Variants in COL2A1 observed in about 807,000 individuals in gnomAD.
The protein encoded by COL2A1 is collagen type II alpha 1 chain.
COL2A1 carries 28 observed loss-of-function variants against 204.5 expected under a neutral mutation model. That is an observed-to-expected ratio of 0.14 (90% CI 0.10 to 0.19). COL2A1 has a LOEUF of 0.19. COL2A1 is among the 10% of genes least tolerant of loss of function. COL2A1 has a pLI of 1.00. For synonymous variants in COL2A1, 708 were observed against 718.7 expected, an observed-to-expected ratio of 0.99 and a Z score of 0.24; for missense variants, 1,388 against 2,027.5, an observed-to-expected ratio of 0.68 and a Z score of 6.06.
chr12:47,978,484 C>A lies in COL2A1; in HGVS notation c.2896-86G>T, dbSNP rs957440179. ...GCACAGCTCTGTCTGTGCAGCCCCG[C>A]TCCCTGGCATCCCCACGGCCCCTGC... On this transcript the variant is annotated intron_variant, in intron 42 of 53. Coordinates refer to ENST00000380518, the MANE Select transcript of COL2A1 (RefSeq NM_001844.5). This position sits in a 1 kb window ranked among gnomAD's most constrained non-coding sequence, Gnocchi z 5.5. The A allele has an allele frequency of 5.7e-6, 9 of 1,575,968 alleles. No homozygotes were observed. The African/African-American group carries it at 1.2e-4, about 21-fold the overall frequency.
At chr12:48,003,471 G>A (rs987155078) in intron 1 of COL2A1, among the ~76,000 whole-genome samples, 4 of 152,132 alleles carry the variant, frequency 2.6e-5, no homozygotes, top group Admixed American at 2.6e-4. Context: ...TGAAAAGCAC[G>A]GTCTGGTTGG....
At position 47,987,836 on chromosome 12, in the gene COL2A1, C is replaced by A; in HGVS notation, c.1123-127G>T. On this transcript the variant is annotated intron_variant, in intron 18 of 53. Coordinates refer to ENST00000380518, the MANE Select transcript of COL2A1 (RefSeq NM_001844.5). This position sits in a 1 kb window ranked among gnomAD's most constrained non-coding sequence, Gnocchi z 4.1. The stretch of plus-strand genomic sequence containing the variant: ...TTATGCACATGCACCCAACCCTGCA[C>A]ATGAACATGTGCGTTCACACACAGT... 1 of 734,910 alleles carries A rather than the reference C, an allele frequency of 1.4e-6. No homozygotes were observed. The highest frequency in any genetic ancestry group is 2.4e-6 in the Non-Finnish European group (1 of 416,696). The allele number at this position is 734,910 out of a possible 1,614,324, so 45.5% of individuals were successfully genotyped here.
chr12:48,004,415 T>C lies in COL2A1; in HGVS notation c.-94A>G, dbSNP rs1940382148. 2.9e-6 allele frequency: 2 copies of C among 694,132 alleles called. No individual in the cohort carries two copies. Among genetic ancestry groups the C allele is most frequent in the Non-Finnish European group, 5.0e-6 (2 of 398,208 alleles). The allele number at this position is 694,132 out of a possible 1,614,324, so 43.0% of individuals were successfully genotyped here. On this transcript the variant is annotated 5_prime_UTR_variant, in exon 1 of 54. It removes an upstream start codon present in the reference 5' UTR. Transcript: ENST00000380518. ...GGTCCGGGTCTCTACCGCGCCCTCA[T>C]GCAGGAGGCCCTTGGAGCAGGAGGG...
intron 7 of COL2A1, 70 bp downstream of exon 7, chr12:47,997,536 T>A (rs1940017700): frequency 6.2e-7 from 1 of 1,612,844 alleles, no homozygotes; most frequent in Non-Finnish European, 8.5e-7. Flanking sequence ...GCCAGGTAAG[T>A]GCAAGCAGCA....
rs763407810 is a variant in COL2A1, at chr12:47,995,305, G to C, written c.712C>G (p.Pro238Ala). ...CCAGGAGGACCACGGGGACCCATGG[G>C]ACCCTACAAACAAAGGAAGATAGTT... ...GEPGEPGVSG[P>A]MGPRGPPGPP... The change falls in exon 11 of 54, where the codon CCC becomes GCC. Residue 238 changes from proline to alanine, a missense_variant. By Grantham distance (27) the Pro-to-Ala change is conservative (BLOSUM62 -1). This residue lies in a region of COL2A1 where 884 missense variants were observed against 1,415.8 expected (regional missense o/e 0.62). Coordinates refer to ENST00000380518, the MANE Select transcript of COL2A1 (RefSeq NM_001844.5). 13 of 1,613,378 alleles carry C rather than the reference G, an allele frequency of 8.1e-6. 2 individuals carry two copies. The South Asian group carries it at 1.4e-4, about 18-fold the overall frequency.
At position 47,973,302 on chromosome 12, in the gene COL2A1, A is replaced by G; in HGVS notation, c.*105T>C. ...TGAGAGGGTGGGATGAATGGACATC[A>G]GGTCAGGTCAGCCATTCAGTGCAGA... On this transcript the variant is annotated 3_prime_UTR_variant, in exon 54 of 54. Coordinates refer to ENST00000380518, the MANE Select transcript of COL2A1 (RefSeq NM_001844.5). The G allele has an allele frequency of 6.9e-7, 1 of 1,439,274 alleles. No homozygotes were observed. Among genetic ancestry groups the G allele is most frequent in the South Asian group, 1.1e-5 (1 of 87,672 alleles). The allele number at this position is 1,439,274 out of a possible 1,614,324, so 89.2% of individuals were successfully genotyped here.
chr12:47,989,695 C>G, intron 17 of COL2A1, 66 bp downstream of exon 17: 1 of 1,429,628 alleles, frequency 7.0e-7, no homozygotes, highest in Non-Finnish European at 9.9e-7. Context: ...CTGCAGACTG[C>G]CTTGGGCTGC....
rs1430959709 is a variant in COL2A1, at chr12:47,973,356, CTTGGGTCCT to C, written c.*42_*50del. ...CTAGAGTGACTGAGATTGGAAAGTA[CTTGGGTCCT>C]TTGGGTTTGCAACGGATTGTGTTGT... is the stretch of plus-strand genomic sequence containing the variant. On this transcript the variant is annotated 3_prime_UTR_variant, in exon 54 of 54. Coordinates refer to ENST00000380518, the MANE Select transcript of COL2A1 (RefSeq NM_001844.5). 1.9e-6 allele frequency: 3 copies of C among 1,613,684 alleles called. No individual in the cohort carries two copies. In the African/African-American group the frequency reaches 4.0e-5, roughly 22 times the overall value.
In COL2A1 at chr12:47,995,742, T is replaced by C; in HGVS notation, c.676A>G (p.Asn226Asp). 6.2e-7 allele frequency: 1 copy of C among 1,614,006 alleles called. No homozygotes were observed. Among genetic ancestry groups the C allele is most frequent in the Non-Finnish European group, 8.5e-7 (1 of 1,179,980 alleles). The change falls in exon 10 of 54, where the codon AAT becomes GAT. Residue 226 changes from asparagine (N) to aspartate (D), a missense_variant. Physicochemically the swap from Asn to Asp is conservative, Grantham distance 23. Coordinates refer to ENST00000380518, the MANE Select transcript of COL2A1 (RefSeq NM_001844.5). ...GAPGPQGFQG[N>D]PGEPGEPGVS... ...CCAGGTTCACCAGGTTCACCAGGAT[T>C]GCCTTGAAATCCTTGAGGCCCCTAA...
chr12:47,983,854 T>G, intron 29 of COL2A1, 118 bp from the exon 30 acceptor site: 1 of 1,101,268 alleles, frequency 9.1e-7, no homozygotes, highest in South Asian at 1.3e-5. Flanking sequence ...CCTGCACCAC[T>G]CAGACAGTGC....
rs538142082 is a variant in COL2A1, at chr12:47,986,556, G to A, written c.1420-113C>T. On this transcript the variant is annotated intron_variant, in intron 22 of 53. Transcript: ENST00000380518. ...GGCAACTGTTTCAGGGCTGGGGGGG[G>A]GCTTGAGGACGAGAGGCCATAAAGG... is the stretch of plus-strand genomic sequence containing the variant. 280 of 765,494 alleles carry A rather than the reference G, an allele frequency of 3.7e-4. 1 individual carries two copies. In the Admixed American group the frequency reaches 4.0e-3, roughly 11 times the overall value. 47.4% of individuals were successfully genotyped at this position (765,494 alleles called of 1,614,324 possible). A position where few individuals can be genotyped will look rare whatever the true frequency, so the allele number is the denominator to read the frequency against.
chr12:47,987,655 C>T lies in COL2A1; in HGVS notation c.1177G>A (p.Gly393Ser), dbSNP rs1025202963. The change falls in exon 19 of 54, where the codon GGT becomes AGT. Residue 393 changes from glycine (G) to serine (S), a missense_variant. Physicochemically the swap from Gly to Ser is moderately conservative, Grantham distance 56. Around this residue, in one of 3 missense-constraint regions of COL2A1, gnomAD observed 884 missense variants for 1,415.8 expected, o/e 0.62. Coordinates refer to ENST00000380518, the MANE Select transcript of COL2A1 (RefSeq NM_001844.5). This position sits in a 1 kb window ranked among gnomAD's most constrained non-coding sequence, Gnocchi z 4.1. ...GGGGACCCAGGAGTACCAGGTTCAC[C>T]GCGAGGACCTTGAGCACCTTCAGGA... ...RGPEGAQGPRGEPGTPGSPGP... is the reference protein window; with the variant it reads ...RGPEGAQGPRSEPGTPGSPGP... The T allele has an allele frequency of 1.9e-6, 3 of 1,613,306 alleles. No homozygotes were observed. The highest frequency in any genetic ancestry group is 1.7e-6 in the Non-Finnish European group (2 of 1,179,730).
rs149903770 is a variant in COL2A1 at position 47,975,442 on chromosome 12, T to A, written c.3761A>T (p.Glu1254Val). Residue 1254 changes from glutamate (E) to valine (V), a missense_variant, in exon 51 of 54, where the codon GAG (glutamate) becomes GTG (valine). By Grantham distance (121) the Glu-to-Val change is moderately radical. Transcript: ENST00000380518. ...GAGGGACTTGAGTGTGGCATCCACC[T>A]CGGCGTCATGCTGTCTCAGGCCACC... ...AAGGLRQHDA[E>V]VDATLKSLNN... 1 of 1,614,144 alleles carries A rather than the reference T, an allele frequency of 6.2e-7. No individual in the cohort carries two copies. The highest frequency in any genetic ancestry group is 8.5e-7 in the Non-Finnish European group (1 of 1,180,018).
chr12:47,981,212 C>G, intron 37 of COL2A1, 131 bp downstream of exon 37: 2 of 1,028,654 alleles, frequency 1.9e-6, no homozygotes, highest in Non-Finnish European at 3.0e-6. Context: ...CTAGACCCAG[C>G]GGGTAGGGAG....
intron 44 of COL2A1, 24 bp from the exon 45 acceptor site, chr12:47,977,677 C>T (rs749711774): frequency 1.2e-6 from 2 of 1,613,446 alleles, no homozygotes; most frequent in East Asian, 2.2e-5. Context: ...AACAAGAATG[C>T]ACTTAGAGCT....
chr12:47,975,256 G>C, intron 51 of COL2A1, 61 bp downstream of exon 51: 2 of 1,596,490 alleles, frequency 1.3e-6, no homozygotes, highest in Non-Finnish European at 1.7e-6. Context: ...CTCCCTTGCT[G>C]CTAGGCCTAA....
chr12:47,994,007 A>G lies in COL2A1; in HGVS notation c.857T>C (p.Val286Ala). The change falls in exon 13 of 54, where the codon GTC becomes GCC. Residue 286 changes from valine to alanine, a missense_variant. By Grantham distance (64) the Val-to-Ala change is moderately conservative. This residue lies in a region of COL2A1 where 884 missense variants were observed against 1,415.8 expected (regional missense o/e 0.62). Coordinates refer to ENST00000380518, the MANE Select transcript of COL2A1 (RefSeq NM_001844.5). ...CGTGATACTTACTCTGTGACCTTTG[A>G]CACCAGGAAGGCCTGGGGTTCCTGG... is the stretch of plus-strand genomic sequence containing the variant. Reference protein sequence around the residue: ...GFPGTPGLPGVKGHRGYPGLD... With the variant: ...GFPGTPGLPGAKGHRGYPGLD... The G allele has an allele frequency of 1.2e-6, 2 of 1,614,106 alleles. No homozygotes were observed. The highest frequency in any genetic ancestry group is 1.7e-6 in the Non-Finnish European group (2 of 1,180,020).
intron 16 of COL2A1, 64 bp from the exon 17 acceptor site, chr12:47,989,869 C>G: frequency 6.7e-7 from 1 of 1,496,816 alleles, no homozygotes; most frequent in Non-Finnish European, 9.3e-7. Flanking sequence ...CTGCTCCCAG[C>G]CCACCCTTAC....
chr12:47,993,927 A>G (rs1274545419), intron 13 of COL2A1, 65 bp from the exon 14 acceptor site: 1 of 1,611,274 alleles, frequency 6.2e-7, no homozygotes, highest in Non-Finnish European at 8.5e-7. Flanking sequence ...AAATGCACGC[A>G]CCCCAAAGTG....
Sources: gnomAD v4.1 joint callset for allele counts (sites outside exome capture counted in the v4.1 genomes callset) on GRCh38, gnomAD v4.1.1 for gene constraint, gnomAD v4.1.1 regional missense constraint, Gnocchi (gnomAD v3.1) non-coding constraint, MANE v1.5 for transcripts, NCBI Gene and HGNC (gene_info 2026-07-23, HGNC 2026-07-21) for gene names.